COG5: variants seen among roughly 807,000 people sequenced by gnomAD.
COG5 encodes the protein conserved oligomeric Golgi complex subunit 5.
In COG5, 86 loss-of-function variants were observed where a neutral mutation model predicts 110.4. The observed-to-expected ratio is 0.78, with a 90% CI of 0.65 to 0.93. COG5 has a LOEUF of 0.93. Among genes scored for constraint, COG5 ranks in the 40% least tolerant of loss-of-function variants. The pLI is 0.00. For missense variants in COG5, 1,077 were observed against 987.0 expected (o/e 1.09, Z -1.22); for synonymous variants, 360 against 334.6 (o/e 1.08, Z -0.83).
At chr7:107,391,493 C>A (rs1473383947) in intron 7 of COG5, among the ~76,000 whole-genome samples, 1 of 152,054 alleles carries the variant, frequency 6.6e-6, no homozygotes, top group Non-Finnish European at 1.5e-5. Flanking sequence ...TTGATGTAGT[C>A]CCATTTGTCT....
intron 6 of COG5, among the ~76,000 whole-genome samples, chr7:107,479,601 A>T (rs1797196170): frequency 6.6e-6 from 1 of 152,166 alleles, no homozygotes; most frequent in Non-Finnish European, 1.5e-5. Context: ...ATTAAAAATG[A>T]TGACCATAAG....
rs543117749 is a variant in COG5, at chr7:107,533,816, G to C, written c.418-6459C>G. The stretch of plus-strand genomic sequence containing the variant: ...ATTCAAATTCAGGAAATACAGAGAA[G>C]ACCACTAAGATACTCCTCAAGAAGA... On this transcript the variant is annotated intron_variant, in intron 5 of 21. Transcript: ENST00000297135. Among the ~76,000 whole-genome samples, 9 of 151,392 alleles carry C rather than the reference G, an allele frequency of 5.9e-5. 1 individual carries two copies. Among genetic ancestry groups the C allele is most frequent in the African/African-American group, 2.2e-4 (9 of 40,844 alleles).
chr7:107,409,230 GAAAAAAAA>G lies in COG5; in HGVS notation c.669+3264_669+3271del, dbSNP rs11366303. On this transcript the variant is annotated intron_variant, in intron 7 of 21. Transcript: ENST00000297135. ...GAAGAAACCAAAAAGCAACGTCAAG[GAAAAAAAA>G]AAAAAAAAAGAAAACAGGAGAGATT... is the stretch of plus-strand genomic sequence containing the variant. Among the ~76,000 whole-genome samples the G allele has an allele frequency of 6.7e-5, 7 of 104,994 alleles. No individual in the cohort carries two copies. In the South Asian group the frequency reaches 2.1e-3, roughly 32 times the overall value. The allele number at this position is 104,994 out of a possible 152,430, so 68.9% of individuals were successfully genotyped here. A position where few individuals can be genotyped will look rare whatever the true frequency, so the allele number is the denominator to read the frequency against.
intron 6 of COG5, among the ~76,000 whole-genome samples, chr7:107,416,983 TG>T (rs1792894050): frequency 6.6e-6 from 1 of 152,180 alleles, no homozygotes; most frequent in Admixed American, 6.5e-5. Flanking sequence ...AGTGGAGCAT[TG>T]GAATTTGTAC....
chr7:107,401,581 TTACTACATTCA>T (rs1370532873), intron 7 of COG5, among the ~76,000 whole-genome samples: 4 of 152,190 alleles, frequency 2.6e-5, no homozygotes, highest in African/African-American at 9.7e-5. Context: ...ACGCGAGCTC[TTACTACATTCA>T]TTCTTTCAAG....
At position 107,420,301 on chromosome 7, in the gene COG5, A is replaced by C. The variant is rs371152517; in HGVS notation, c.539-7669T>G. On this transcript the variant is annotated intron_variant, in intron 6 of 21. Coordinates refer to ENST00000297135, the MANE Select transcript of COG5 (RefSeq NM_006348.5). ...GCAAGTAAGGCAATATGCATGAAGC[A>C]CGTTTTGTAGACCATAAACAACTAC... Among the ~76,000 whole-genome samples, 49 of 152,274 alleles carry C rather than the reference A, an allele frequency of 3.2e-4. 1 individual carries two copies. Among genetic ancestry groups the C allele is most frequent in the African/African-American group, 1.1e-3 (46 of 41,586 alleles).
chr7:107,350,795 C>T (rs1812071106), intron 10 of COG5, among the ~76,000 whole-genome samples: 2 of 152,162 alleles, frequency 1.3e-5, no homozygotes, highest in Non-Finnish European at 2.9e-5. Context: ...GTTTCTTCTT[C>T]CATCTTGCTA....
At chr7:107,555,981 A>G (rs1584963174) in intron 2 of COG5, among the ~76,000 whole-genome samples, 1 of 150,682 alleles carries the variant, frequency 6.6e-6, no homozygotes, top group Non-Finnish European at 1.5e-5. Flanking sequence ...CCACTTATAC[A>G]CCAGCCTGGG....
At chr7:107,271,270 T>C (rs560934266) in intron 14 of COG5, among the ~76,000 whole-genome samples, 6 of 152,178 alleles carry the variant, frequency 3.9e-5, no homozygotes, top group African/African-American at 1.4e-4. Flanking sequence ...TTGGTTATTC[T>C]TGACACTTCT....
intron 6 of COG5, among the ~76,000 whole-genome samples, chr7:107,464,183 C>T (rs1796165832): frequency 6.6e-6 from 1 of 152,106 alleles, no homozygotes; most frequent in South Asian, 2.1e-4. Flanking sequence ...CAAGTGGCTG[C>T]CCACTCAGAC....
At chr7:107,383,502 G>A (rs1310714185) in intron 7 of COG5, among the ~76,000 whole-genome samples, 2 of 152,204 alleles carry the variant, frequency 1.3e-5, no homozygotes, top group Non-Finnish European at 2.9e-5. Flanking sequence ...AGGTGCTAGA[G>A]AGACATAGGT....
chr7:107,224,559 G>A (rs1031295567), intron 19 of COG5, among the ~76,000 whole-genome samples: 1 of 152,224 alleles, frequency 6.6e-6, no homozygotes, highest in Non-Finnish European at 1.5e-5. Flanking sequence ...CAAAGGTGGT[G>A]AGGCCTGCCT....
chr7:107,545,322 T>C (rs1409428566), intron 5 of COG5, among the ~76,000 whole-genome samples: 1 of 152,122 alleles, frequency 6.6e-6, no homozygotes, highest in African/African-American at 2.4e-5. Context: ...TACCCCAAGA[T>C]ATATTACAAT....
At chr7:107,335,044 T>G (rs1810588188) in intron 10 of COG5, among the ~76,000 whole-genome samples, 1 of 152,214 alleles carries the variant, frequency 6.6e-6, no homozygotes, top group Non-Finnish European at 1.5e-5. Flanking sequence ...TTCACAGGTG[T>G]TTTCTCAGTG....
chr7:107,340,458 A>T (rs1352012416), intron 10 of COG5, among the ~76,000 whole-genome samples: 1 of 152,116 alleles, frequency 6.6e-6, no homozygotes, highest in East Asian at 1.9e-4. Flanking sequence ...AAGGGCTGGC[A>T]CCAATACTAC....
intron 6 of COG5, among the ~76,000 whole-genome samples, chr7:107,454,460 C>T (rs921905248): frequency 1.3e-5 from 2 of 151,946 alleles, no homozygotes; most frequent in Non-Finnish European, 1.5e-5. Context: ...AGTTTTTTAA[C>T]GTCTTTATTC....
intron 10 of COG5, among the ~76,000 whole-genome samples, chr7:107,336,892 C>T (rs371172812): frequency 8.5e-5 from 13 of 152,178 alleles, no homozygotes; most frequent in Admixed American, 3.3e-4. Context: ...CAGTGCAGAC[C>T]GCCTGGGAGC....
At chr7:107,530,054 A>G (rs956953331) in intron 5 of COG5, among the ~76,000 whole-genome samples, 7 of 152,172 alleles carry the variant, frequency 4.6e-5, no homozygotes, top group Admixed American at 4.6e-4. Flanking sequence ...CCCTAATCCT[A>G]CCCAACAAAG....
At position 107,415,925 on chromosome 7, in the gene COG5, TAC is replaced by T. The variant is rs1202766690; in HGVS notation, c.539-3295_539-3294del. 2.4e-4 allele frequency among the ~76,000 whole-genome samples: 27 copies of T among 112,736 alleles called. 7 individuals carry two copies. Among genetic ancestry groups the T allele is most frequent in the Admixed American group, 4.3e-4 (5 of 11,708 alleles). The allele number at this position is 112,736 out of a possible 152,430, so 74.0% of individuals were successfully genotyped here. A position where few individuals can be genotyped will look rare whatever the true frequency, so the allele number is the denominator to read the frequency against. ...ACGTATGTATGTATGTGTGTGTATA[TAC>T]ACACACATACACGTATGTATGTATG... is the stretch of plus-strand genomic sequence containing the variant. On this transcript the variant is annotated intron_variant, in intron 6 of 21. Transcript: ENST00000297135.
Sources: allele counts gnomAD v4.1 joint callset (sites outside exome capture counted in the v4.1 genomes callset), GRCh38; gene constraint gnomAD v4.1.1; transcripts MANE v1.5; gene names NCBI Gene and HGNC (gene_info 2026-07-23, HGNC 2026-07-21).